Variants in CNTNAP5 observed in about 807,000 individuals in gnomAD.
CNTNAP5 encodes contactin associated protein family member 5.
Under a neutral mutation model 150.2 loss-of-function variants are expected in CNTNAP5, and 72 were observed. The observed-to-expected ratio is 0.48, with a 90% CI of 0.40 to 0.58. The LOEUF (loss-of-function observed/expected upper bound fraction) is 0.58, where lower values mean the gene tolerates loss of function less well. CNTNAP5 is among the 20% of genes least tolerant of loss of function. The pLI is 0.00. For missense variants in CNTNAP5, 1,636 were observed against 1,626.2 expected (o/e 1.01, Z -0.10); for synonymous variants, 672 against 619.8 (o/e 1.08, Z -1.25).
intron 3 of CNTNAP5, among the ~76,000 whole-genome samples, chr2:124,275,215 A>G (rs1047524984): frequency 6.6e-6 from 1 of 152,116 alleles, no homozygotes; most frequent in African/African-American, 2.4e-5. Flanking sequence ...GAGAGTTACA[A>G]TTCAAGATGA....
intron 19 of CNTNAP5, among the ~76,000 whole-genome samples, chr2:124,802,782 A>T (rs1232487134): frequency 2.0e-5 from 3 of 152,176 alleles, no homozygotes; most frequent in African/African-American, 7.2e-5. Flanking sequence ...ATACTAGCTC[A>T]TGTACTGAAG....
rs775842621 is a variant in CNTNAP5, at chr2:124,297,824, T to C, written c.381+55431T>C. 7.8e-5 allele frequency among the ~76,000 whole-genome samples: 7 copies of C among 89,392 alleles called. No homozygotes were observed. The East Asian group carries it at 3.3e-3, about 42-fold the overall frequency. The allele number at this position is 89,392 out of a possible 152,430, so 58.6% of individuals were successfully genotyped here. A position where few individuals can be genotyped will look rare whatever the true frequency, so the allele number is the denominator to read the frequency against. ...ACATCCAATTATTTATTATTATTATTATTATTATTATTATTATTATTATTA... is the reference window on the plus strand; with the variant it reads ...ACATCCAATTATTTATTATTATTATCATTATTATTATTATTATTATTATTA... On this transcript the variant is annotated intron_variant, in intron 3 of 23. Coordinates refer to ENST00000682447, the MANE Select transcript of CNTNAP5 (RefSeq NM_001367498.1).
chr2:124,500,020 C>T (rs754868837), intron 7 of CNTNAP5, among the ~76,000 whole-genome samples: 10 of 151,482 alleles, frequency 6.6e-5, no homozygotes, highest in African/African-American at 9.7e-5. Flanking sequence ...CTGGAGAAGA[C>T]GAGATGAAAT....
chr2:124,670,523 A>G (rs1394495541), intron 13 of CNTNAP5, among the ~76,000 whole-genome samples: 1 of 152,034 alleles, frequency 6.6e-6, no homozygotes, highest in Non-Finnish European at 1.5e-5. Flanking sequence ...TTTTCACTTT[A>G]TTGACATTGT....
At chr2:124,769,959 GT>G (rs1681154954) in intron 16 of CNTNAP5, among the ~76,000 whole-genome samples, 1 of 152,092 alleles carries the variant, frequency 6.6e-6, no homozygotes, top group Non-Finnish European at 1.5e-5. Flanking sequence ...CTCACAGTAA[GT>G]ACTCAATAAA....
chr2:124,645,952 A>C (rs967044181), intron 12 of CNTNAP5, among the ~76,000 whole-genome samples: 1 of 152,060 alleles, frequency 6.6e-6, no homozygotes, highest in Non-Finnish European at 1.5e-5. Flanking sequence ...AAACAACCAG[A>C]TGTCACTGTC....
chr2:124,414,701 A>G (rs760415455), intron 3 of CNTNAP5, among the ~76,000 whole-genome samples: 3 of 150,806 alleles, frequency 2.0e-5, no homozygotes, highest in Non-Finnish European at 4.5e-5. Context: ...CATTGTTTTA[A>G]GATGTGTGTA....
chr2:124,310,619 T>A (rs1688806286), intron 3 of CNTNAP5, among the ~76,000 whole-genome samples: 1 of 152,168 alleles, frequency 6.6e-6, no homozygotes, highest in South Asian at 2.1e-4. Flanking sequence ...AGCCTTTTTT[T>A]TTTTAAATTT....
intron 19 of CNTNAP5, among the ~76,000 whole-genome samples, chr2:124,836,422 T>C (rs969234340): frequency 6.6e-6 from 1 of 152,146 alleles, no homozygotes; most frequent in South Asian, 2.1e-4. Flanking sequence ...CAGGCTTTCA[T>C]TGTCAAATAT....
At chr2:124,728,077 C>G (rs1680198014) in intron 13 of CNTNAP5, among the ~76,000 whole-genome samples, 1 of 151,884 alleles carries the variant, frequency 6.6e-6, no homozygotes, top group African/African-American at 2.4e-5. Flanking sequence ...GGTTTTCATT[C>G]TTATTCTGCT....
chr2:124,830,024 A>T (rs570765494), intron 19 of CNTNAP5, among the ~76,000 whole-genome samples: 198 of 151,726 alleles, frequency 1.3e-3, no homozygotes, highest in African/African-American at 4.7e-3. Flanking sequence ...ACCATATTAG[A>T]TTTCTATGAA....
At chr2:124,780,266 T>A (rs1260622677) in intron 17 of CNTNAP5, among the ~76,000 whole-genome samples, 1 of 152,154 alleles carries the variant, frequency 6.6e-6, no homozygotes, top group Non-Finnish European at 1.5e-5. Context: ...CTGTTTCAAA[T>A]GGGAAATGAT....
intron 19 of CNTNAP5, among the ~76,000 whole-genome samples, chr2:124,851,121 T>G (rs1018456323): frequency 3.3e-5 from 5 of 152,112 alleles, no homozygotes; most frequent in Admixed American, 3.3e-4. Context: ...TTCCAACACT[T>G]TGGGAGGCCG....
intron 10 of CNTNAP5, among the ~76,000 whole-genome samples, chr2:124,543,932 T>C (rs1295463311): frequency 6.7e-6 from 1 of 149,070 alleles, no homozygotes; most frequent in Non-Finnish European, 1.5e-5. Context: ...AATGCAACAA[T>C]TGGACCAGAT....
intron 12 of CNTNAP5, among the ~76,000 whole-genome samples, chr2:124,644,045 C>T (rs951660221): frequency 2.6e-5 from 4 of 152,230 alleles, no homozygotes; most frequent in African/African-American, 9.6e-5. Context: ...CCTCCACTGT[C>T]CAACTAACTT....
chr2:124,676,805 T>C (rs1214627246), intron 13 of CNTNAP5, among the ~76,000 whole-genome samples: 3 of 152,238 alleles, frequency 2.0e-5, no homozygotes, highest in African/African-American at 4.8e-5. Context: ...GCTATTTTTA[T>C]TAAAGACTCC....
intron 3 of CNTNAP5, among the ~76,000 whole-genome samples, chr2:124,381,745 A>C (rs1292921077): frequency 6.6e-6 from 1 of 152,142 alleles, no homozygotes; most frequent in African/African-American, 2.4e-5. Flanking sequence ...AGGGTTAGAC[A>C]TGTGAATATG....
intron 3 of CNTNAP5, among the ~76,000 whole-genome samples, chr2:124,402,884 A>C (rs550380900): frequency 6.6e-6 from 1 of 152,296 alleles, no homozygotes; most frequent in Admixed American, 6.5e-5. Flanking sequence ...GCCAGTGCCT[A>C]AAACCTATTT....
intron 21 of CNTNAP5, among the ~76,000 whole-genome samples, chr2:124,881,618 G>T (rs971659158): frequency 2.2e-4 from 33 of 152,064 alleles, no homozygotes; most frequent in African/African-American, 5.8e-4. Flanking sequence ...GAAGTGGATT[G>T]GATTGCTGTG....
Sources: gnomAD v4.1 joint callset for allele counts (sites outside exome capture counted in the v4.1 genomes callset) on GRCh38, gnomAD v4.1.1 for gene constraint, MANE v1.5 for transcripts, NCBI Gene and HGNC (gene_info 2026-07-23, HGNC 2026-07-21) for gene names.